Variants in HORMAD2 observed in about 807,000 individuals in gnomAD.
The protein encoded by HORMAD2 is HORMA domain containing 2, also known as HORMA domain-containing protein 2.
A neutral mutation model predicts 38.8 loss-of-function variants in HORMAD2; 45 were observed. The ratio of observed to expected loss-of-function variants is 1.16; its 90% CI spans 0.91 to 1.49. The LOEUF (loss-of-function observed/expected upper bound fraction) is 1.49, where lower values mean the gene tolerates loss of function less well. HORMAD2 is among the 40% of genes most tolerant of loss of function. HORMAD2 has a pLI of 0.00. For missense variants in HORMAD2, 338 were observed against 367.0 expected, an observed-to-expected ratio of 0.92 and a Z score of 0.65; for synonymous variants, 126 against 122.8, an observed-to-expected ratio of 1.03 and a Z score of -0.17.
chr22:30,145,864 G>C (rs968356892), intron 10 of HORMAD2, among the ~76,000 whole-genome samples: 6 of 152,034 alleles, frequency 3.9e-5, no homozygotes, highest in Non-Finnish European at 8.8e-5. Context: ...AGAGGAGAAG[G>C]CTTCACAACT....
At chr22:30,129,079 G>T (rs1042305018) in intron 10 of HORMAD2, among the ~76,000 whole-genome samples, 3 of 151,714 alleles carry the variant, frequency 2.0e-5, no homozygotes, top group Non-Finnish European at 4.4e-5. Flanking sequence ...TTAGCCAGGC[G>T]TGGTGGTGGG....
chr22:30,202,854 G>A, the HORMAD2 span, among the ~76,000 whole-genome samples: 2 of 152,192 alleles, frequency 1.3e-5, no homozygotes, highest in Non-Finnish European at 2.9e-5. Context: ...ACTCTCAGCG[G>A]CTGTTCCTCC....
intron 5 of HORMAD2, 57 bp downstream of exon 5, chr22:30,104,494 AAAAG>A: frequency 7.2e-7 from 1 of 1,393,012 alleles, no homozygotes; most frequent in East Asian, 2.3e-5. Flanking sequence ...ATTCTTTAAA[AAAAG>A]AAATTAGACA....
At chr22:30,207,051 C>T in the HORMAD2 span, 6 of 470,630 alleles carry the variant, frequency 1.3e-5, no homozygotes, top group South Asian at 4.7e-5. Flanking sequence ...TGCTCACCCA[C>T]GGATGAGTCA....
At chr22:30,113,575 T>C (rs1230330570) in intron 7 of HORMAD2, among the ~76,000 whole-genome samples, 1 of 152,164 alleles carries the variant, frequency 6.6e-6, no homozygotes, top group Non-Finnish European at 1.5e-5. Context: ...TCTTGTCTCA[T>C]AGTCTTGGAC....
chr22:30,203,132 C>T, the HORMAD2 span, among the ~76,000 whole-genome samples: 4 of 152,184 alleles, frequency 2.6e-5, no homozygotes, highest in Middle Eastern at 3.2e-3. Context: ...GTCAGCCTTA[C>T]GCCTGTAATC....
At chr22:30,173,934 G>T (rs923244129) in intron 10 of HORMAD2, among the ~76,000 whole-genome samples, 1 of 152,158 alleles carries the variant, frequency 6.6e-6, no homozygotes, top group African/African-American at 2.4e-5. Flanking sequence ...AAATCAGCTG[G>T]CTATCCTATT....
the HORMAD2 span, among the ~76,000 whole-genome samples, chr22:30,188,840 A>C: frequency 6.6e-6 from 1 of 152,172 alleles, no homozygotes; most frequent in Non-Finnish European, 1.5e-5. Context: ...TCGAAATTTT[A>C]AAAATGAAAT....
At chr22:30,174,182 T>G (rs1926290976) in intron 10 of HORMAD2, among the ~76,000 whole-genome samples, 1 of 152,194 alleles carries the variant, frequency 6.6e-6, no homozygotes, top group Non-Finnish European at 1.5e-5. Flanking sequence ...AAGCTGTATG[T>G]TTAAAATATA....
chr22:30,140,521 G>A (rs1228308605), intron 10 of HORMAD2, among the ~76,000 whole-genome samples: 1 of 152,062 alleles, frequency 6.6e-6, no homozygotes, highest in Non-Finnish European at 1.5e-5. Context: ...TTGGTATTTT[G>A]TGTAATTTAG....
At chr22:30,149,950 T>G (rs1924646410) in intron 10 of HORMAD2, among the ~76,000 whole-genome samples, 1 of 152,230 alleles carries the variant, frequency 6.6e-6, no homozygotes, top group South Asian at 2.1e-4. Flanking sequence ...AGTCTTTGTG[T>G]ATTATTTGCT....
At chr22:30,145,779 G>A (rs897277815) in intron 10 of HORMAD2, among the ~76,000 whole-genome samples, 1 of 152,144 alleles carries the variant, frequency 6.6e-6, no homozygotes, top group African/African-American at 2.4e-5. Context: ...GTCTGTAAAT[G>A]TTACAAACTG....
At chr22:30,167,373 T>G (rs990134689) in intron 10 of HORMAD2, among the ~76,000 whole-genome samples, 1 of 152,210 alleles carries the variant, frequency 6.6e-6, no homozygotes, top group Non-Finnish European at 1.5e-5. Context: ...ATTTAGGACA[T>G]GAACATCTTT....
At chr22:30,207,117 G>A in the HORMAD2 span, 1 of 470,630 alleles carries the variant, frequency 2.1e-6, no homozygotes, top group Non-Finnish European at 4.4e-6. Flanking sequence ...GCTGTCAGGA[G>A]GCGGGAATGC....
intron 10 of HORMAD2, among the ~76,000 whole-genome samples, chr22:30,172,942 C>T (rs1394106667): frequency 6.6e-6 from 1 of 151,210 alleles, no homozygotes; most frequent in South Asian, 2.1e-4. Flanking sequence ...GATGGGAAGA[C>T]TAGTAAGTAG....
chr22:30,169,887 A>C (rs1926006665), intron 10 of HORMAD2, among the ~76,000 whole-genome samples: 1 of 152,200 alleles, frequency 6.6e-6, no homozygotes. Context: ...ATATCAAGAA[A>C]GCTTACAGCT....
At chr22:30,124,836 G>A (rs976086757) in intron 10 of HORMAD2, among the ~76,000 whole-genome samples, 2 of 152,052 alleles carry the variant, frequency 1.3e-5, no homozygotes, top group East Asian at 3.9e-4. Context: ...ACTATATTAG[G>A]TAAAGCAAAA....
chr22:30,111,709 A>G, intron 5 of HORMAD2, 87 bp from the exon 6 acceptor site: 3 of 1,118,350 alleles, frequency 2.7e-6, no homozygotes, highest in Non-Finnish European at 3.8e-6. Context: ...ACCTCTCTGA[A>G]ATAATATTTT....
intron 7 of HORMAD2, among the ~76,000 whole-genome samples, chr22:30,117,006 G>A (rs537186656): frequency 2.5e-4 from 38 of 152,148 alleles, no homozygotes; most frequent in African/African-American, 8.0e-4. Context: ...CTCTCCTATT[G>A]TATTTACAAA....
Sources: allele counts gnomAD v4.1 joint callset (sites outside exome capture counted in the v4.1 genomes callset), GRCh38; gene constraint gnomAD v4.1.1; transcripts MANE v1.5; gene names NCBI Gene and HGNC (gene_info 2026-07-23, HGNC 2026-07-21).